The following NEDD4 variants were observed in gnomAD, a reference collection of about 807,000 sequenced individuals.
NEDD4 encodes E3 ubiquitin-protein ligase NEDD4.
NEDD4 carries 99 observed loss-of-function variants against 144.9 expected under a neutral mutation model. The observed-to-expected ratio is 0.68, with a 90% CI of 0.58 to 0.81. The LOEUF (loss-of-function observed/expected upper bound fraction) is 0.81. NEDD4 is among the 30% of genes least tolerant of loss of function. NEDD4 has a pLI of 0.00. For synonymous variants in NEDD4, 318 were observed against 350.6 expected (o/e 0.91, Z 1.04); for missense variants, 985 against 1,065.9 (o/e 0.92, Z 1.06).
chr15:55,949,358 G>C (rs1456281849), intron 4 of NEDD4, among the ~76,000 whole-genome samples: 3 of 152,198 alleles, frequency 2.0e-5, no homozygotes, highest in Middle Eastern at 3.2e-3. Flanking sequence ...TGGTGGGACT[G>C]TAAACTAGTT....
intron 1 of NEDD4, among the ~76,000 whole-genome samples, chr15:55,980,100 GC>G (rs1243434575): frequency 1.3e-5 from 2 of 151,912 alleles, no homozygotes; most frequent in Non-Finnish European, 2.9e-5. Flanking sequence ...GTGCCACTAT[GC>G]CCAGCTAATT....
intron 2 of NEDD4, among the ~76,000 whole-genome samples, chr15:55,957,177 G>C (rs2037351681): frequency 6.6e-6 from 1 of 152,146 alleles, no homozygotes; most frequent in African/African-American, 2.4e-5. Flanking sequence ...TCATTTATTA[G>C]TTCTTCCAGT....
intron 4 of NEDD4, among the ~76,000 whole-genome samples, chr15:55,933,604 C>T (rs1448073602): frequency 2.0e-5 from 3 of 151,350 alleles, no homozygotes; most frequent in African/African-American, 7.3e-5. Context: ...TTAATGGGTG[C>T]AGCACACCAA....
chr15:55,915,265 A>G, intron 5 of NEDD4: 1 of 1,535,378 alleles, frequency 6.5e-7, no homozygotes, highest in Admixed American at 2.2e-5. Flanking sequence ...AACATTTACC[A>G]AGACCAAAGG....
chr15:55,949,371 A>G (rs1452257231), intron 4 of NEDD4, among the ~76,000 whole-genome samples: 1 of 152,222 alleles, frequency 6.6e-6, no homozygotes. Flanking sequence ...AACTAGTTCA[A>G]CCATTGTGGA....
intron 5 of NEDD4, among the ~76,000 whole-genome samples, chr15:55,879,848 G>A (rs1301373936): frequency 6.6e-6 from 1 of 152,044 alleles, no homozygotes; most frequent in East Asian, 1.9e-4. Context: ...ATACACTATA[G>A]GATTCTTCAA....
intron 2 of NEDD4, among the ~76,000 whole-genome samples, chr15:55,966,164 T>A (rs1378054822): frequency 9.2e-5 from 14 of 152,356 alleles, no homozygotes; most frequent in African/African-American, 3.4e-4. Flanking sequence ...TGCTGCTTTT[T>A]GTATTAAGTC....
At position 55,944,703 on chromosome 15, in the gene NEDD4, C is replaced by T. The variant is rs527448455; in HGVS notation, c.237+6673G>A. On this transcript the variant is annotated intron_variant, in intron 4 of 28. Coordinates refer to ENST00000435532, the MANE Select transcript of NEDD4 (RefSeq NM_006154.4). The stretch of plus-strand genomic sequence containing the variant: ...CCACCTCAAGTGGGTCCCTGACCCC[C>T]GTGTAGCCTAACTGGGAGACACTTC... 1.5e-4 allele frequency among the ~76,000 whole-genome samples: 23 copies of T among 152,290 alleles called. 1 individual carries two copies. The highest frequency in any genetic ancestry group is 3.6e-4 in the African/African-American group (15 of 41,584).
At chr15:55,873,435 T>C (rs1303679650) in intron 6 of NEDD4, among the ~76,000 whole-genome samples, 1 of 152,190 alleles carries the variant, frequency 6.6e-6, no homozygotes, top group African/African-American at 2.4e-5. Context: ...CTTCCTCACT[T>C]TTCTACAAGA....
At chr15:55,964,692 GGT>G (rs58177503) in intron 2 of NEDD4, among the ~76,000 whole-genome samples, 8,980 of 136,990 alleles carry the variant, frequency 0.066, 286 homozygotes, top group African/African-American at 0.092. Flanking sequence ...TTTTGCTGCT[GGT>G]GTGTGTGTGT....
chr15:55,911,086 T>A (rs2036258065), intron 5 of NEDD4, among the ~76,000 whole-genome samples: 1 of 152,018 alleles, frequency 6.6e-6, no homozygotes, highest in South Asian at 2.1e-4. Flanking sequence ...ACAGTGGAGA[T>A]TCTTTCACAT....
chr15:55,929,014 AC>A (rs1176723371), intron 4 of NEDD4, among the ~76,000 whole-genome samples: 4 of 152,192 alleles, frequency 2.6e-5, no homozygotes, highest in Non-Finnish European at 1.5e-5. Context: ...AAGATATAAA[AC>A]CATTACAGCA....
intron 5 of NEDD4, among the ~76,000 whole-genome samples, chr15:55,887,291 A>T (rs2035425864): frequency 6.6e-6 from 1 of 152,166 alleles, no homozygotes; most frequent in South Asian, 2.1e-4. Flanking sequence ...AAATAAATAA[A>T]ATCAGAGATG....
rs1343101648 is a variant in NEDD4, at chr15:55,850,707, C to G, written c.1182G>C (p.Gln394His). 6.2e-7 allele frequency: 1 copy of G among 1,613,950 alleles called. No homozygotes were observed. The highest frequency in any genetic ancestry group is 2.2e-5 in the East Asian group (1 of 44,874). Residue 394 changes from glutamine to histidine, a missense_variant, in exon 14 of 29, where the codon CAG becomes CAC. By Grantham distance (24) the Gln-to-His change is conservative. Coordinates refer to ENST00000435532, the MANE Select transcript of NEDD4 (RefSeq NM_006154.4). ...CTTGTGATTGAGGGCCTGCAGAACT[C>G]TGGCTTGAGGTCAGCTGACTGGTCT... ...TVETSQLTSS[Q>H]SSAGPQSQAS...
intron 5 of NEDD4, among the ~76,000 whole-genome samples, chr15:55,902,538 C>T (rs981988676): frequency 3.9e-5 from 6 of 152,038 alleles, no homozygotes; most frequent in Non-Finnish European, 5.9e-5. Context: ...ATGATATAAT[C>T]AACAAAATGT....
intron 28 of NEDD4, 98 bp downstream of exon 28, chr15:55,830,416 G>A (rs1390828225): frequency 1.3e-5 from 14 of 1,065,596 alleles, no homozygotes; most frequent in East Asian, 2.4e-5. Flanking sequence ...ACCTGCCACC[G>A]ACATAACACA....
chr15:55,840,009 T>A (rs1389901251), intron 21 of NEDD4, among the ~76,000 whole-genome samples: 566 of 28,342 alleles, frequency 0.02, 12 homozygotes, highest in African/African-American at 0.031. Context: ...AATATATATA[T>A]ATATATATAT....
In NEDD4 at chr15:55,842,098, C is replaced by A. The variant is rs1285039494; in HGVS notation, c.1674G>T (p.Arg558=). The change falls in exon 19 of 29, where the codon CGG becomes CGT. Residue 558 remains arginine (R), a synonymous_variant. Transcript: ENST00000435532. ...RRATVLEDSY[R]RIMGVKRADF... is the part of the protein sequence containing the mutation. ...CTGCTCTCTTGACACCCATAATTCT[C>A]CGGTAAGAGTCTTCAAGAACAGTTG... is the stretch of plus-strand genomic sequence containing the variant. 4 of 1,614,130 alleles carry A rather than the reference C, an allele frequency of 2.5e-6. No individual in the cohort carries two copies. The highest frequency in any genetic ancestry group is 2.5e-6 in the Non-Finnish European group (3 of 1,180,032).
chr15:55,922,470 C>A (rs974927592), intron 5 of NEDD4, among the ~76,000 whole-genome samples: 3 of 152,170 alleles, frequency 2.0e-5, no homozygotes, highest in African/African-American at 4.8e-5. Flanking sequence ...TCGGGCAAGT[C>A]TCCCAACTCA....
Sources: gnomAD v4.1 joint callset for allele counts (sites outside exome capture counted in the v4.1 genomes callset) on GRCh38, gnomAD v4.1.1 for gene constraint, MANE v1.5 for transcripts, NCBI Gene and HGNC (gene_info 2026-07-23, HGNC 2026-07-21) for gene names.